The following RASSF8 variants were observed in gnomAD, a reference collection of about 807,000 sequenced individuals.
RASSF8 encodes the protein ras association domain-containing protein 8.
In RASSF8, 22 loss-of-function variants were observed where a neutral mutation model predicts 48.5. The observed-to-expected ratio is 0.45, with a 90% confidence interval of 0.32 to 0.65. The LOEUF (loss-of-function observed/expected upper bound fraction) is 0.65. Ranked by LOEUF, RASSF8 falls within the 30% of genes least tolerant of loss-of-function variation. The pLI is 0.03. For synonymous variants in RASSF8, 127 were observed against 171.5 expected (o/e 0.74, Z 2.03); for missense variants, 418 against 489.2 (o/e 0.85, Z 1.37).
rs778959849 is a variant in RASSF8, at chr12:26,067,636, A to T, written c.1061A>T (p.Gln354Leu). The T allele has an allele frequency of 6.2e-7, 1 of 1,614,164 alleles. No homozygotes were observed. The highest frequency in any genetic ancestry group is 1.3e-5 in the African/African-American group (1 of 75,050). ...CAAGTCAATCTCCAGCAGTTCATCC[A>T]GCAGACAGGGACAAAAGTTACCGTT... ...LRQVNLQQFI[Q>L]QTGTKVTVLP... The change falls in exon 5 of 6, where the codon CAG (glutamine) becomes CTG (leucine). Residue 354 changes from glutamine to leucine, a missense_variant. Gln to Leu is a moderately radical substitution (Grantham distance 113, BLOSUM62 -2). Coordinates refer to ENST00000689635, the MANE Select transcript of RASSF8 (RefSeq NM_001394098.1).
At chr12:26,015,273 A>G (rs904653995) in intron 2 of RASSF8, among the ~76,000 whole-genome samples, 1 of 152,126 alleles carries the variant, frequency 6.6e-6, no homozygotes, top group African/African-American at 2.4e-5. Flanking sequence ...CCTTGGTAAA[A>G]GATGCTGCAC....
At chr12:26,015,095 G>A (rs1301163715) in intron 2 of RASSF8, among the ~76,000 whole-genome samples, 1 of 151,760 alleles carries the variant, frequency 6.6e-6, no homozygotes, top group Non-Finnish European at 1.5e-5. Flanking sequence ...TGTAGTCCCA[G>A]CTACTTGGGA....
At chr12:26,028,013 C>T (rs1309800875) in intron 2 of RASSF8, among the ~76,000 whole-genome samples, 1 of 152,066 alleles carries the variant, frequency 6.6e-6, no homozygotes, top group African/African-American at 2.4e-5. Flanking sequence ...AAATAGGAAA[C>T]AGTATGAAGA....
chr12:26,013,801 CT>C (rs1178140698), intron 2 of RASSF8, among the ~76,000 whole-genome samples: 1 of 151,966 alleles, frequency 6.6e-6, no homozygotes. Flanking sequence ...ATCCTTTTTC[CT>C]TTAATGTGGC....
chr12:26,019,731 T>C (rs12815918), intron 2 of RASSF8, among the ~76,000 whole-genome samples: 5 of 152,176 alleles, frequency 3.3e-5, no homozygotes, highest in African/African-American at 4.8e-5. Context: ...ATTATTACTA[T>C]TTTTTATTAT....
chr12:25,960,390 G>A (rs1238030856), intron 1 of RASSF8, among the ~76,000 whole-genome samples: 1 of 152,190 alleles, frequency 6.6e-6, no homozygotes. Flanking sequence ...TGCAGGGAGA[G>A]GTGCAGGGTG....
intron 2 of RASSF8, among the ~76,000 whole-genome samples, chr12:26,036,272 G>T (rs1943148726): frequency 6.6e-6 from 1 of 151,846 alleles, no homozygotes; most frequent in Non-Finnish European, 1.5e-5. Context: ...GCACATCGGG[G>T]GAAACCAATG....
chr12:26,007,247 C>T (rs1360256844), intron 2 of RASSF8, among the ~76,000 whole-genome samples: 3 of 152,166 alleles, frequency 2.0e-5, no homozygotes, highest in African/African-American at 7.2e-5. Flanking sequence ...CCCACGTCCC[C>T]ACTGCCACAC....
rs16930044 is a variant in RASSF8, at chr12:26,071,062, A to C, written c.*2244A>C. ...ATAGACCTAATTACAGATTTAAAAAAATTTCCTAGGCGACGAAAGTATAGA... is the reference window on the plus strand; with the variant it reads ...ATAGACCTAATTACAGATTTAAAAACATTTCCTAGGCGACGAAAGTATAGA... On this transcript the variant is annotated 3_prime_UTR_variant, in exon 6 of 6. Transcript: ENST00000689635. The C allele has an allele frequency of 0.033, 32,895 of 983,962 alleles. 558 individuals carry two copies. The highest frequency in any genetic ancestry group is 0.05 in the East Asian group (439 of 8,804). The allele number at this position is 983,962 out of a possible 1,614,324, so 61.0% of individuals were successfully genotyped here. A position where few individuals can be genotyped will look rare whatever the true frequency, so the allele number is the denominator to read the frequency against.
intron 1 of RASSF8, among the ~76,000 whole-genome samples, chr12:25,965,294 C>T (rs539783424): frequency 4.6e-5 from 7 of 151,812 alleles, no homozygotes; most frequent in African/African-American, 1.7e-4. Flanking sequence ...ACATACCTAA[C>T]TGTACAATTT....
Position 26,069,003 on chromosome 12 carries a change from T to C in RASSF8, c.*185T>C, listed in dbSNP as rs1278178818. On this transcript the variant is annotated 3_prime_UTR_variant, in exon 6 of 6. Coordinates refer to ENST00000689635, the MANE Select transcript of RASSF8 (RefSeq NM_001394098.1). ...GATGCTAAAGAACAAAGAAACTGTG[T>C]TTTCACACATCAACAGTGTTGATAT... 3 of 1,325,784 alleles carry C rather than the reference T, an allele frequency of 2.3e-6. No individual in the cohort carries two copies. The highest frequency in any genetic ancestry group is 2.9e-6 in the Non-Finnish European group (3 of 1,036,150). The allele number at this position is 1,325,784 out of a possible 1,614,324, so 82.1% of individuals were successfully genotyped here.
chr12:26,039,764 G>A (rs1943225706), intron 2 of RASSF8, among the ~76,000 whole-genome samples: 1 of 152,164 alleles, frequency 6.6e-6, no homozygotes, highest in South Asian at 2.1e-4. Flanking sequence ...TGTGACCTGG[G>A]AGTTGAGGCG....
intron 2 of RASSF8, among the ~76,000 whole-genome samples, chr12:26,042,051 G>T (rs1261514022): frequency 6.6e-6 from 1 of 152,098 alleles, no homozygotes; most frequent in Non-Finnish European, 1.5e-5. Context: ...ATGAAACGAG[G>T]TATATATTTG....
At chr12:26,011,925 T>C (rs1942535539) in intron 2 of RASSF8, 1 of 152,252 alleles carries the variant, frequency 6.6e-6, no homozygotes, top group Non-Finnish European at 1.5e-5. Flanking sequence ...AGTTTAAATC[T>C]AGTGTCTTTA....
intron 2 of RASSF8, among the ~76,000 whole-genome samples, chr12:26,038,245 C>G (rs1469943169): frequency 6.6e-6 from 1 of 151,998 alleles, no homozygotes; most frequent in South Asian, 2.1e-4. Flanking sequence ...AACCTCAGTC[C>G]CTTTGGAAAT....
At chr12:25,977,027 T>G (rs1201135716) in intron 1 of RASSF8, among the ~76,000 whole-genome samples, 1 of 152,230 alleles carries the variant, frequency 6.6e-6, no homozygotes, top group African/African-American at 2.4e-5. Context: ...TCAGCCACTT[T>G]TGTATCCATT....
intron 2 of RASSF8, among the ~76,000 whole-genome samples, chr12:26,053,291 A>G (rs182579052): frequency 5.3e-4 from 80 of 152,238 alleles, no homozygotes; most frequent in Non-Finnish European, 7.9e-4. Flanking sequence ...TCCCAAGTTT[A>G]AGATATTTTA....
At chr12:25,993,906 A>T (rs1473437605) in intron 1 of RASSF8, among the ~76,000 whole-genome samples, 1 of 152,186 alleles carries the variant, frequency 6.6e-6, no homozygotes, top group African/African-American at 2.4e-5. Context: ...CCTTTTTGTT[A>T]CAACTGTAAC....
chr12:26,079,147 A>C (rs1165177904), exon 6 of RASSF8: 2 of 1,033,638 alleles, frequency 1.9e-6, no homozygotes, highest in African/African-American at 3.3e-5. Flanking sequence ...AAACTCCTGC[A>C]CAACAAAGGA....
Sources: allele counts gnomAD v4.1 joint callset (sites outside exome capture counted in the v4.1 genomes callset), GRCh38; gene constraint gnomAD v4.1.1; transcripts MANE v1.5; gene names NCBI Gene and HGNC (gene_info 2026-07-23, HGNC 2026-07-21).